The following CUL3 variants were observed in gnomAD, a reference collection of about 807,000 sequenced individuals.
The protein encoded by CUL3 is cullin-3.
Under a neutral mutation model 89.1 loss-of-function variants are expected in CUL3, and 19 were observed. The observed-to-expected ratio is 0.21, with a 90% CI of 0.15 to 0.31. The LOEUF (loss-of-function observed/expected upper bound fraction) is 0.31, where lower values mean the gene tolerates loss of function less well. CUL3 is among the 10% of genes least tolerant of loss of function. The pLI is 1.00. For missense variants in CUL3, 469 were observed against 942.3 expected (o/e 0.50, Z 6.58); for synonymous variants, 351 against 308.4 (o/e 1.14, Z -1.45).
intron 2 of CUL3, among the ~76,000 whole-genome samples, chr2:224,555,944 C>T (rs920234798): frequency 3.9e-5 from 6 of 152,098 alleles, no homozygotes; most frequent in Non-Finnish European, 7.4e-5. Context: ...ATAAAAACCC[C>T]AGGAAAGGAT....
intron 1 of CUL3, among the ~76,000 whole-genome samples, chr2:224,574,890 C>T (rs546385295): frequency 5.9e-5 from 9 of 152,188 alleles, no homozygotes; most frequent in South Asian, 2.1e-4. Context: ...ATGCTGGGTG[C>T]GTACTGCTGT....
intron 3 of CUL3, among the ~76,000 whole-genome samples, chr2:224,530,115 T>C (rs1416826159): frequency 6.6e-6 from 1 of 152,092 alleles, no homozygotes; most frequent in African/African-American, 2.4e-5. Context: ...GGCAGGCGCC[T>C]GTAGTCCCAA....
At chr2:224,505,160 G>A (rs929378726) in intron 8 of CUL3, among the ~76,000 whole-genome samples, 48 of 143,164 alleles carry the variant, frequency 3.4e-4, no homozygotes, top group Non-Finnish European at 7.0e-4. Flanking sequence ...TTTTTGAGAC[G>A]GAGTTTCGCT....
At chr2:224,569,760 G>A (rs1187005155) in intron 1 of CUL3, 1 of 1,204,136 alleles carries the variant, frequency 8.3e-7, no homozygotes, top group Non-Finnish European at 1.1e-6. Flanking sequence ...GAAAAGAAGT[G>A]AATTCTTAAC....
rs1691089812 is a variant in CUL3, at chr2:224,470,491, AATT to A, written c.*3751_*3753del. ...CCAATCTCTGTATCATTACCTGTTA[AATT>A]TATCTGCCATTCTTAACGTCTCTTC... On this transcript the variant is annotated 3_prime_UTR_variant, in exon 16 of 16. Transcript: ENST00000264414. 4.4e-6 allele frequency: 1 copy of A among 226,874 alleles called. No individual in the cohort carries two copies. Among genetic ancestry groups the A allele is most frequent in the African/African-American group, 2.3e-5 (1 of 43,132 alleles). The allele number at this position is 226,874 out of a possible 1,614,324, so 14.1% of individuals were successfully genotyped here. A position where few individuals can be genotyped will look rare whatever the true frequency, so the allele number is the denominator to read the frequency against.
intron 1 of CUL3, chr2:224,560,477 T>C (rs1332894270): frequency 6.5e-6 from 1 of 152,966 alleles, no homozygotes; most frequent in Non-Finnish European, 1.5e-5. Flanking sequence ...TTCCCTCAGT[T>C]GGTTTCCCCT....
chr2:224,491,043 C>T (rs1211743836), intron 13 of CUL3, among the ~76,000 whole-genome samples: 3 of 152,098 alleles, frequency 2.0e-5, no homozygotes, highest in Non-Finnish European at 2.9e-5. Context: ...AGGACAAATT[C>T]CTTCCCCTTT....
At chr2:224,554,745 T>C (rs1386281012) in intron 2 of CUL3, among the ~76,000 whole-genome samples, 2 of 152,200 alleles carry the variant, frequency 1.3e-5, no homozygotes, top group Non-Finnish European at 2.9e-5. Context: ...TAATTATCAT[T>C]CCCTATAGAA....
At chr2:224,476,455 A>G (rs1053890866) in intron 15 of CUL3, among the ~76,000 whole-genome samples, 12 of 152,224 alleles carry the variant, frequency 7.9e-5, no homozygotes, top group Admixed American at 7.9e-4. Flanking sequence ...TTCTTCGACA[A>G]GTATTATTTC....
chr2:224,535,687 CTCGT>C (rs1344934226), intron 2 of CUL3, 46 bp from the exon 3 acceptor site: 1 of 1,098,186 alleles, frequency 9.1e-7, no homozygotes, highest in Non-Finnish European at 1.4e-6. Flanking sequence ...CATCCACACA[CTCGT>C]ATATACAGGC....
At chr2:224,477,117 T>C (rs1265143664) in intron 15 of CUL3, among the ~76,000 whole-genome samples, 3 of 144,654 alleles carry the variant, frequency 2.1e-5, no homozygotes, top group Admixed American at 1.3e-4. Flanking sequence ...TCCCTTGTCA[T>C]AGGACACTGT....
intron 2 of CUL3, among the ~76,000 whole-genome samples, chr2:224,536,301 C>T (rs1186547203): frequency 6.6e-6 from 1 of 152,198 alleles, no homozygotes; most frequent in Admixed American, 6.5e-5. Context: ...ATTCCTTCTG[C>T]CTCAATTCAC....
rs559571280 is a variant in CUL3, at chr2:224,473,021, C to T, written c.*1224G>A. On this transcript the variant is annotated 3_prime_UTR_variant, in exon 16 of 16. Coordinates refer to ENST00000264414, the MANE Select transcript of CUL3 (RefSeq NM_003590.5). ...AAATAAAATTGAAGATAAAAATACT[C>T]TGGAAGCACAGGATATCTGACAAGA... is the stretch of plus-strand genomic sequence containing the variant. The T allele has an allele frequency of 5.0e-6, 1 of 198,694 alleles. No individual in the cohort carries two copies. The highest frequency in any genetic ancestry group is 6.0e-5 in the Admixed American group (1 of 16,558). The allele number at this position is 198,694 out of a possible 1,614,324, so 12.3% of individuals were successfully genotyped here. A position where few individuals can be genotyped will look rare whatever the true frequency, so the allele number is the denominator to read the frequency against.
At chr2:224,520,959 G>A (rs1434712498) in intron 3 of CUL3, among the ~76,000 whole-genome samples, 2 of 152,146 alleles carry the variant, frequency 1.3e-5, no homozygotes, top group Non-Finnish European at 2.9e-5. Context: ...CTAAACCTAT[G>A]CAAAGTCAAG....
At chr2:224,520,205 C>A (rs1693210698) in intron 3 of CUL3, among the ~76,000 whole-genome samples, 1 of 152,238 alleles carries the variant, frequency 6.6e-6, no homozygotes, top group African/African-American at 2.4e-5. Context: ...TTCATCACCA[C>A]AGAGATAAAC....
At chr2:224,544,892 T>C (rs1044315215) in intron 2 of CUL3, among the ~76,000 whole-genome samples, 1 of 151,962 alleles carries the variant, frequency 6.6e-6, no homozygotes, top group African/African-American at 2.4e-5. Context: ...AACACTGCAA[T>C]GTTCTGCTAT....
intron 3 of CUL3, among the ~76,000 whole-genome samples, chr2:224,523,042 G>A (rs1559170551): frequency 6.6e-6 from 1 of 151,536 alleles, no homozygotes; most frequent in Non-Finnish European, 1.5e-5. Context: ...AGGTCAGAGG[G>A]AAAAAAAACA....
At chr2:224,577,543 T>A (rs938617292) in intron 1 of CUL3, among the ~76,000 whole-genome samples, 1 of 147,106 alleles carries the variant, frequency 6.8e-6, no homozygotes, top group Non-Finnish European at 1.5e-5. Context: ...CACTCCAGCC[T>A]GGGTGACAGA....
At chr2:224,500,763 T>C (rs368950951) in intron 10 of CUL3, among the ~76,000 whole-genome samples, 134 of 151,922 alleles carry the variant, frequency 8.8e-4, no homozygotes, top group African/African-American at 3.1e-3. Context: ...GTAGCTGGGA[T>C]TACAGGCATG....
Sources: allele counts gnomAD v4.1 joint callset (sites outside exome capture counted in the v4.1 genomes callset), GRCh38; gene constraint gnomAD v4.1.1; transcripts MANE v1.5; gene names NCBI Gene and HGNC (gene_info 2026-07-23, HGNC 2026-07-21).